CDIP1: variants seen among roughly 807,000 people sequenced by gnomAD.
CDIP1 encodes the protein cell death-inducing p53-target protein 1.
In CDIP1, 9 loss-of-function variants were observed where a neutral mutation model predicts 17.7. The observed-to-expected ratio is 0.51, with a 90% CI of 0.31 to 0.89. The LOEUF (loss-of-function observed/expected upper bound fraction) is 0.89. Ranked by LOEUF, CDIP1 falls within the 40% of genes least tolerant of loss-of-function variation. The probability of loss-of-function intolerance (pLI) is 0.05; values close to 1 mark genes in which losing one functional copy is unlikely to be tolerated. For missense variants in CDIP1, 263 were observed against 277.9 expected, an observed-to-expected ratio of 0.95 and a Z score of 0.38; for synonymous variants, 117 against 109.5, an observed-to-expected ratio of 1.07 and a Z score of -0.43.
intron 1 of CDIP1, among the ~76,000 whole-genome samples, chr16:4,537,262 A>C (rs1376258873): frequency 6.6e-6 from 1 of 152,196 alleles, no homozygotes; most frequent in East Asian, 1.9e-4. Context: ...TCTACATTCT[A>C]GGTGGTGGTC....
chr16:4,527,127 G>A (rs1164779692), intron 1 of CDIP1, among the ~76,000 whole-genome samples: 3 of 150,098 alleles, frequency 2.0e-5, no homozygotes, highest in Non-Finnish European at 4.4e-5. Flanking sequence ...TCGCACTGTC[G>A]CCCAGGCTGG....
chr16:4,524,407 C>T (rs940143319), intron 1 of CDIP1: 1 of 152,326 alleles, frequency 6.6e-6, no homozygotes, highest in Non-Finnish European at 1.5e-5. Flanking sequence ...CTCTCTCCCC[C>T]ATTCTTGAAT....
In CDIP1 at chr16:4,513,777, A is replaced by G; in HGVS notation, c.160T>C (p.Tyr54His). Residue 54 changes from tyrosine (Y) to histidine (H), a missense_variant, in exon 4 of 6, where the codon TAT (tyrosine) becomes CAT (histidine). By Grantham distance (83) the Tyr-to-His change is moderately conservative. Transcript: ENST00000567695. The surrounding 1 kb of genome is among the most constrained non-coding windows in gnomAD (Gnocchi z 4.1). ...GGCATTGGGTGACCCGGCGGCTCAT[A>G]GGGTGGGGGGCCAATGTCCGCAGGG... ...LPPADIGPPP[Y>H]EPPGHPMPQP... 1 of 1,609,814 alleles carries G rather than the reference A, an allele frequency of 6.2e-7. No homozygotes were observed. The highest frequency in any genetic ancestry group is 8.5e-7 in the Non-Finnish European group (1 of 1,177,148).
rs192388518 is a variant in CDIP1 at position 4,519,522 on chromosome 16, C to G, written c.-104-4858G>C. 3.1e-3 allele frequency among the ~76,000 whole-genome samples: 475 copies of G among 152,288 alleles called. 4 individuals are homozygous for G. Among genetic ancestry groups the G allele is most frequent in the African/African-American group, 0.011 (448 of 41,544 alleles). On this transcript the variant is annotated intron_variant, in intron 1 of 5. Transcript: ENST00000567695. Reference sequence around the variant, plus strand: ...AGGATTAGCTAGTCTTTTGTGGGTGCCTCTCCCCGCGGCCCTTCCACCATG... The same window carrying G: ...AGGATTAGCTAGTCTTTTGTGGGTGGCTCTCCCCGCGGCCCTTCCACCATG...
intron 1 of CDIP1, among the ~76,000 whole-genome samples, chr16:4,535,838 G>T (rs898320464): frequency 6.6e-6 from 1 of 152,216 alleles, no homozygotes; most frequent in East Asian, 1.9e-4. Context: ...GCACTGTATT[G>T]CAAGGTAGCC....
chr16:4,522,179 C>T (rs577680834), intron 1 of CDIP1, among the ~76,000 whole-genome samples: 12 of 152,182 alleles, frequency 7.9e-5, no homozygotes, highest in Non-Finnish European at 1.8e-4. Flanking sequence ...ACCTGCTCCA[C>T]GGTAACCCGA....
chr16:4,517,219 T>C (rs1345429950), intron 1 of CDIP1, among the ~76,000 whole-genome samples: 1 of 152,232 alleles, frequency 6.6e-6, no homozygotes, highest in Non-Finnish European at 1.5e-5. Flanking sequence ...TTATTAATTT[T>C]CATATTAAAA....
chr16:4,513,110 C>T lies in CDIP1; in HGVS notation c.242-46G>A. ...GAGGCGAGAGGTCACTGGCCTGCCA[C>T]CTGCACCAGACAAAGAGATTGGCGC... On this transcript the variant is annotated intron_variant, in intron 4 of 5. Coordinates refer to ENST00000567695, the MANE Select transcript of CDIP1 (RefSeq NM_013399.3). The surrounding 1 kb of genome is among the most constrained non-coding windows in gnomAD (Gnocchi z 4.1). 2 of 1,517,818 alleles carry T rather than the reference C, an allele frequency of 1.3e-6. No individual in the cohort carries two copies. The highest frequency in any genetic ancestry group is 1.8e-6 in the Non-Finnish European group (2 of 1,139,254). The allele number at this position is 1,517,818 out of a possible 1,614,324, so 94.0% of individuals were successfully genotyped here.
At chr16:4,528,209 A>C (rs1252716157) in intron 1 of CDIP1, among the ~76,000 whole-genome samples, 1 of 152,262 alleles carries the variant, frequency 6.6e-6, no homozygotes, top group East Asian at 1.9e-4. Context: ...ATTCTTCTTT[A>C]GATGTATTTA....
intron 1 of CDIP1, chr16:4,533,018 T>G (rs1277862732): frequency 6.6e-6 from 1 of 152,224 alleles, no homozygotes; most frequent in Non-Finnish European, 1.5e-5. Context: ...GACTACCTGT[T>G]TGAAAAGACT....
At chr16:4,521,233 A>G (rs2058944388) in intron 1 of CDIP1, among the ~76,000 whole-genome samples, 1 of 152,182 alleles carries the variant, frequency 6.6e-6, no homozygotes, top group African/African-American at 2.4e-5. Flanking sequence ...TGTGAAAGCC[A>G]TCACAAACAA....
At position 4,513,786 on chromosome 16, in the gene CDIP1, G is replaced by T; in HGVS notation, c.151C>A (p.Pro51Thr). 1 of 1,605,992 alleles carries T rather than the reference G, an allele frequency of 6.2e-7. No individual in the cohort carries two copies. Among genetic ancestry groups the T allele is most frequent in the Non-Finnish European group, 8.5e-7 (1 of 1,174,126 alleles). Reference protein sequence around the residue: ...GMPLPPADIGPPPYEPPGHPM... With the variant: ...GMPLPPADIGTPPYEPPGHPM... Reference sequence around the variant, plus strand: ...TGACCCGGCGGCTCATAGGGTGGGGGGCCAATGTCCGCAGGGGGCAGTGGC... The same window carrying T: ...TGACCCGGCGGCTCATAGGGTGGGGTGCCAATGTCCGCAGGGGGCAGTGGC... Residue 51 changes from proline to threonine, a missense_variant, in exon 4 of 6, where the codon CCC (proline) becomes ACC (threonine). Coordinates refer to ENST00000567695, the MANE Select transcript of CDIP1 (RefSeq NM_013399.3). The surrounding 1 kb of genome is among the most constrained non-coding windows in gnomAD (Gnocchi z 4.1).
chr16:4,534,015 A>G (rs2059080974), intron 1 of CDIP1, among the ~76,000 whole-genome samples: 1 of 151,924 alleles, frequency 6.6e-6, no homozygotes, highest in Non-Finnish European at 1.5e-5. Flanking sequence ...CATTGGTGCG[A>G]TCTCGGCTAG....
At chr16:4,526,341 G>A (rs1400224125) in intron 1 of CDIP1, among the ~76,000 whole-genome samples, 1 of 149,850 alleles carries the variant, frequency 6.7e-6, no homozygotes, top group Non-Finnish European at 1.5e-5. Context: ...GGAGGCGGAG[G>A]TTGCAGTGAG....
At chr16:4,520,190 C>T (rs1364079360) in intron 1 of CDIP1, among the ~76,000 whole-genome samples, 1 of 151,756 alleles carries the variant, frequency 6.6e-6, no homozygotes, top group Non-Finnish European at 1.5e-5. Flanking sequence ...TGGCTCACTG[C>T]AGCCTCCGCC....
intron 1 of CDIP1, among the ~76,000 whole-genome samples, chr16:4,516,698 C>CT (rs767463500): frequency 0.079 from 6,107 of 77,574 alleles, 15 homozygotes; most frequent in Non-Finnish European, 0.091. Context: ...GTTTTAAATC[C>CT]TTTTTTTTTT....
At chr16:4,532,548 A>G (rs2059066802) in intron 1 of CDIP1, 1 of 152,270 alleles carries the variant, frequency 6.6e-6, no homozygotes, top group East Asian at 1.9e-4. Flanking sequence ...TTTTACCCTG[A>G]TAAGCCGAGA....
rs1453702916 is a variant in CDIP1 at position 4,532,039 on chromosome 16, A to G, written c.-105+6663T>C. Among the ~76,000 whole-genome samples the G allele has an allele frequency of 2.0e-5, 3 of 152,238 alleles. No individual in the cohort carries two copies. The East Asian group carries it at 5.8e-4, about 29-fold the overall frequency. On this transcript the variant is annotated intron_variant, in intron 1 of 5. Transcript: ENST00000567695. ...AGGCAATTCAAGGACTTTAGAGGAC[A>G]GTTTGACTTATGAGGTCTTTGCTCT...
intron 1 of CDIP1, among the ~76,000 whole-genome samples, chr16:4,534,309 C>T (rs2059083581): frequency 2.0e-5 from 3 of 152,170 alleles, no homozygotes; most frequent in Admixed American, 6.5e-5. Context: ...CAGCCGCAGC[C>T]GAGAGAGACT....
Sources: allele counts gnomAD v4.1 joint callset (sites outside exome capture counted in the v4.1 genomes callset), GRCh38; gene constraint gnomAD v4.1.1; non-coding constraint Gnocchi (gnomAD v3.1); transcripts MANE v1.5; gene names NCBI Gene and HGNC (gene_info 2026-07-23, HGNC 2026-07-21).